PTK2: variants seen among roughly 807,000 people sequenced by gnomAD.
PTK2 encodes the protein protein tyrosine kinase 2, also known as focal adhesion kinase 1.
In PTK2, 45 loss-of-function variants were observed where a neutral mutation model predicts 150.1. The observed-to-expected ratio is 0.30, with a 90% CI of 0.24 to 0.38. PTK2 has a LOEUF of 0.38. Ranked by LOEUF, PTK2 falls within the 10% of genes least tolerant of loss-of-function variation. The probability of loss-of-function intolerance (pLI) is 1.00; values close to 1 mark genes in which losing one functional copy is unlikely to be tolerated. For synonymous variants in PTK2, 432 were observed against 449.2 expected (o/e 0.96, Z 0.48); for missense variants, 919 against 1,307.3 (o/e 0.70, Z 4.58).
In PTK2 at chr8:140,702,718, G is replaced by GT. The variant is rs1186013829; in HGVS notation, c.2230-12dup. 1 of 1,612,772 alleles carries GT rather than the reference G, an allele frequency of 6.2e-7. No individual in the cohort carries two copies. Among genetic ancestry groups the GT allele is most frequent in the South Asian group, 1.1e-5 (1 of 90,966 alleles). ...AGGGTAGCCAGAAACCTGTGAATGA[G>GT]TAAGGAGGCAAGGTAATGTTCAACT... On this transcript the variant is annotated splice_polypyrimidine_tract_variant and intron_variant, in intron 24 of 31. Coordinates refer to ENST00000522684, the Ensembl canonical transcript of PTK2.
intron 21 of PTK2, 86 bp from the exon 25 acceptor site, chr8:140,735,541 C>T (rs1051309065): frequency 7.3e-7 from 1 of 1,363,518 alleles, no homozygotes; most frequent in Non-Finnish European, 1.0e-6. Flanking sequence ...CTTCTAGGCA[C>T]TCGAGTACCA....
intron 7 of PTK2, among the ~76,000 whole-genome samples, chr8:140,837,553 AC>A (rs1364480359): frequency 2.0e-5 from 3 of 150,950 alleles, no homozygotes; most frequent in Non-Finnish European, 4.4e-5. Flanking sequence ...ACATGATGAA[AC>A]CCCATCGCTA....
chr8:140,922,464 T>C (rs998355782), intron 2 of PTK2, among the ~76,000 whole-genome samples: 1 of 151,474 alleles, frequency 6.6e-6, no homozygotes, highest in Non-Finnish European at 1.5e-5. Context: ...AGACCAAGAC[T>C]GTAAAGGACC....
intron 27 of PTK2, among the ~76,000 whole-genome samples, chr8:140,682,786 G>C (rs567434079): frequency 1.3e-5 from 2 of 152,244 alleles, no homozygotes; most frequent in East Asian, 3.9e-4. Context: ...CAGAAATCAA[G>C]AAATTCTTTG....
At chr8:140,717,576 T>C in intron 23 of PTK2, 22 bp downstream of exon 26, 2 of 1,571,682 alleles carry the variant, frequency 1.3e-6, no homozygotes, top group East Asian at 2.2e-5. Context: ...AACCCCAAAG[T>C]TGGGGTGGGG....
chr8:140,910,071 G>C (rs1279616542), intron 2 of PTK2, among the ~76,000 whole-genome samples: 2 of 152,010 alleles, frequency 1.3e-5, no homozygotes, highest in Non-Finnish European at 2.9e-5. Context: ...TTACATAAAA[G>C]TTAAAATAAG....
chr8:140,703,318 T>A (rs116399678), intron 24 of PTK2, among the ~76,000 whole-genome samples: 2,134 of 152,008 alleles, frequency 0.014, 48 homozygotes, highest in African/African-American at 0.048. Context: ...AAGGGGACCA[T>A]GAGCCAAGGC....
Position 140,661,604 on chromosome 8 carries a change from G to A in PTK2, c.2947-1926C>T, listed in dbSNP as rs552926106. On this transcript the variant is annotated intron_variant, in intron 31 of 31. Transcript: ENST00000522684. ...TCTATGAGAATGAGAAGAACTACCA[G>A]AGTGAAAAAGTATTTTTTAATAAAA... Among the ~76,000 whole-genome samples the A allele has an allele frequency of 2.6e-5, 4 of 152,330 alleles. No homozygotes were observed. In the South Asian group the frequency reaches 8.3e-4, roughly 32 times the overall value.
intron 14 of PTK2, among the ~76,000 whole-genome samples, chr8:140,767,636 C>G (rs886462857): frequency 6.6e-6 from 1 of 152,140 alleles, no homozygotes; most frequent in African/African-American, 2.4e-5. Context: ...CAGGCACGCG[C>G]CGCCATGCCT....
chr8:140,862,638 G>A (rs935638453), intron 5 of PTK2, among the ~76,000 whole-genome samples: 3 of 152,176 alleles, frequency 2.0e-5, no homozygotes, highest in Admixed American at 1.3e-4. Context: ...CACAGCAGGA[G>A]GTGAGCTGTG....
At chr8:140,892,581 G>T (rs1429045026) in intron 2 of PTK2, 4 of 458,140 alleles carry the variant, frequency 8.7e-6, no homozygotes, top group Non-Finnish European at 1.7e-5. Context: ...CCCTCTGTTG[G>T]TATCAAACAA....
chr8:140,960,148 A>T, intron 1 of PTK2, among the ~76,000 whole-genome samples: 1 of 146,816 alleles, frequency 6.8e-6, no homozygotes, highest in African/African-American at 2.6e-5. Flanking sequence ...CATATATTGT[A>T]TTAGAAGGAA....
chr8:140,839,486 A>G (rs1000714730), intron 7 of PTK2, among the ~76,000 whole-genome samples: 1 of 152,232 alleles, frequency 6.6e-6, no homozygotes, highest in Non-Finnish European at 1.5e-5. Context: ...TTGAAGAAAT[A>G]AACGGCACAA....
chr8:140,748,760 G>A (rs1339054268), intron 17 of PTK2, among the ~76,000 whole-genome samples: 1 of 152,110 alleles, frequency 6.6e-6, no homozygotes, highest in African/African-American at 2.4e-5. Flanking sequence ...ATAATTTCTA[G>A]TATCAGGGCT....
At chr8:140,983,108 C>T (rs2100192062) in intron 1 of PTK2, among the ~76,000 whole-genome samples, 2 of 152,018 alleles carry the variant, frequency 1.3e-5, no homozygotes, top group African/African-American at 4.8e-5. Flanking sequence ...AAATCTAGGC[C>T]GGGTGTGGTG....
chr8:140,744,010 C>A (rs2100057247), intron 19 of PTK2, among the ~76,000 whole-genome samples: 1 of 151,030 alleles, frequency 6.6e-6, no homozygotes, highest in Non-Finnish European at 1.5e-5. Context: ...ATCTCCTGAT[C>A]TTGTGATCTG....
chr8:140,807,563 CAGGA>C (rs1473859124), intron 10 of PTK2, among the ~76,000 whole-genome samples: 1 of 152,110 alleles, frequency 6.6e-6, no homozygotes, highest in Non-Finnish European at 1.5e-5. Context: ...CAACTGGTGG[CAGGA>C]AGCCACACAC....
intron 27 of PTK2, among the ~76,000 whole-genome samples, chr8:140,681,182 T>C (rs200502379): frequency 1.3e-5 from 2 of 150,504 alleles, no homozygotes; most frequent in African/African-American, 4.9e-5. Flanking sequence ...CTGGCCAACA[T>C]GGTGAAACCC....
chr8:140,658,102 A>G (rs2075022176), exon 32 of PTK2: 1 of 152,174 alleles, frequency 6.6e-6, no homozygotes, highest in Non-Finnish European at 1.5e-5. Flanking sequence ...AGTCCGAGTT[A>G]GCGGAATAGT....
Sources: gnomAD v4.1 joint callset for allele counts (sites outside exome capture counted in the v4.1 genomes callset) on GRCh38, gnomAD v4.1.1 for gene constraint, MANE v1.5 for transcripts, NCBI Gene and HGNC (gene_info 2026-07-23, HGNC 2026-07-21) for gene names.